ENTPD4: variants seen among roughly 807,000 people sequenced by gnomAD.
ENTPD4 encodes the protein Golgi UDPase.
Under a neutral mutation model 79.1 loss-of-function variants are expected in ENTPD4, and 60 were observed. The observed-to-expected ratio is 0.76, with a 90% CI of 0.62 to 0.94. ENTPD4 has a LOEUF of 0.94. ENTPD4 is among the 40% of genes least tolerant of loss of function. ENTPD4 has a pLI of 0.00. For missense variants in ENTPD4, 772 were observed against 775.1 expected, an observed-to-expected ratio of 1.00 and a Z score of 0.05; for synonymous variants, 276 against 292.0, an observed-to-expected ratio of 0.95 and a Z score of 0.56.
chr8:23,447,863 T>C lies in ENTPD4; in HGVS notation c.229A>G (p.Ile77Val), dbSNP rs1316277285. Residue 77 changes from isoleucine to valine, a missense_variant, in exon 4 of 13, where the codon ATT becomes GTT. Physicochemically the swap from Ile to Val is conservative, Grantham distance 29. Coordinates refer to ENST00000358689, the MANE Select transcript of ENTPD4 (RefSeq NM_004901.5). ...FQRYLARVTD[I>V]EATDTNNPNV... is the part of the protein sequence containing the mutation. ...GGGTTATTGGTGTCTGTAGCTTCAA[T>C]GTCGGTAACTCGTGCCAGGTACCTT... is the stretch of plus-strand genomic sequence containing the variant. 2 of 1,614,204 alleles carry C rather than the reference T, an allele frequency of 1.2e-6. No individual in the cohort carries two copies. The highest frequency in any genetic ancestry group is 8.5e-7 in the Non-Finnish European group (1 of 1,180,024).
chr8:23,439,992 G>A, intron 8 of ENTPD4, 77 bp from the exon 9 acceptor site: 4 of 1,310,894 alleles, frequency 3.1e-6, no homozygotes, highest in Non-Finnish European at 4.3e-6. Flanking sequence ...TCTAAAAATA[G>A]TCTCATCTAA....
chr8:23,435,578 T>C, intron 10 of ENTPD4, 101 bp from the exon 11 acceptor site: 1 of 791,788 alleles, frequency 1.3e-6, no homozygotes, highest in Non-Finnish European at 2.1e-6. Context: ...AGCATATCCT[T>C]CCCATTAGGA....
chr8:23,451,097 T>G (rs564940062), intron 1 of ENTPD4, among the ~76,000 whole-genome samples: 5 of 151,206 alleles, frequency 3.3e-5, no homozygotes, highest in African/African-American at 9.7e-5. Context: ...CAATCTCAGC[T>G]CACTGCAACC....
intron 1 of ENTPD4, among the ~76,000 whole-genome samples, chr8:23,454,706 C>A (rs1163375517): frequency 2.6e-5 from 4 of 151,806 alleles, no homozygotes; most frequent in Non-Finnish European, 2.9e-5. Flanking sequence ...AGGTTTGTCT[C>A]AGGAATTTTT....
Position 23,432,362 on chromosome 8 carries a change from C to T in ENTPD4, c.*564G>A, listed in dbSNP as rs1161098459. 25 of 985,448 alleles carry T rather than the reference C, an allele frequency of 2.5e-5. No individual in the cohort carries two copies. The highest frequency in any genetic ancestry group is 6.1e-5 in the Admixed American group (1 of 16,268). The allele number at this position is 985,448 out of a possible 1,614,324, so 61.0% of individuals were successfully genotyped here. A position where few individuals can be genotyped will look rare whatever the true frequency, so the allele number is the denominator to read the frequency against. On this transcript the variant is annotated 3_prime_UTR_variant, in exon 13 of 13. Transcript: ENST00000358689. ...TAAATTTAACATTCCTTAGAGAAACCCCAGAAATCTCATTTATTTTTGGCA... is the reference window on the plus strand; with the variant it reads ...TAAATTTAACATTCCTTAGAGAAACTCCAGAAATCTCATTTATTTTTGGCA...
In ENTPD4 at chr8:23,430,778, T is replaced by G. The variant is rs1233277812; in HGVS notation, c.*2148A>C. The G allele has an allele frequency of 4.1e-6, 4 of 985,690 alleles. No homozygotes were observed. Among genetic ancestry groups the G allele is most frequent in the Non-Finnish European group, 4.8e-6 (4 of 830,138 alleles). 61.1% of individuals were successfully genotyped at this position (985,690 alleles called of 1,614,324 possible). A position where few individuals can be genotyped will look rare whatever the true frequency, so the allele number is the denominator to read the frequency against. ...ACTTCAACCATTTGTGGCCCCTTCCTTTCCTTTCTTCCCTCTCTGCTGCTG... is the reference window on the plus strand; with the variant it reads ...ACTTCAACCATTTGTGGCCCCTTCCGTTCCTTTCTTCCCTCTCTGCTGCTG... On this transcript the variant is annotated 3_prime_UTR_variant, in exon 13 of 13. Transcript: ENST00000358689.
At chr8:23,441,319 C>T (rs1339380498) in intron 8 of ENTPD4, 1 of 552,282 alleles carries the variant, frequency 1.8e-6, no homozygotes, top group Non-Finnish European at 2.3e-6. Context: ...GAAACTCAAG[C>T]ATGCGACTGC....
chr8:23,437,091 GTTTTA>G lies in ENTPD4; in HGVS notation c.1212_1216del (p.Thr406ArgfsTer20), dbSNP rs2117280270. On this transcript the variant is annotated frameshift_variant, in exon 10 of 13. Transcript: ENST00000358689. LOFTEE classifies it high-confidence loss of function. Reference sequence around the variant, plus strand: ...ATTGAGGGAAGTCTGGGTCTCGTTTGTTTTATTCATGAAAGGCTGGATAGTCTCTC... The same window carrying G: ...ATTGAGGGAAGTCTGGGTCTCGTTTGTTCATGAAAGGCTGGATAGTCTCTC... 1 of 1,614,234 alleles carries G rather than the reference GTTTTA, an allele frequency of 6.2e-7. No individual in the cohort carries two copies. Among genetic ancestry groups the G allele is most frequent in the East Asian group, 2.2e-5 (1 of 44,880 alleles).
At chr8:23,455,319 G>A (rs1320416821) in intron 1 of ENTPD4, among the ~76,000 whole-genome samples, 1 of 152,164 alleles carries the variant, frequency 6.6e-6, no homozygotes, top group Non-Finnish European at 1.5e-5. Flanking sequence ...CACAGGGAAG[G>A]GTACTTCAGA....
chr8:23,456,867 T>G (rs1800968056), intron 1 of ENTPD4, among the ~76,000 whole-genome samples: 1 of 152,210 alleles, frequency 6.6e-6, no homozygotes, highest in South Asian at 2.1e-4. Context: ...TACCTCTAGT[T>G]TACCTTCTAG....
chr8:23,440,026 G>T, intron 8 of ENTPD4, 111 bp from the exon 9 acceptor site: 1 of 845,758 alleles, frequency 1.2e-6, no homozygotes, highest in Non-Finnish European at 1.9e-6. Flanking sequence ...GTCTGCTTCT[G>T]CACTTCCCAA....
At chr8:23,447,261 A>C (rs1466394594) in intron 4 of ENTPD4, among the ~76,000 whole-genome samples, 1 of 152,242 alleles carries the variant, frequency 6.6e-6, no homozygotes, top group Non-Finnish European at 1.5e-5. Context: ...AGATGACTAG[A>C]ACTACATGTG....
intron 12 of ENTPD4, 25 bp downstream of exon 12, chr8:23,434,292 C>T (rs1255284181): frequency 6.2e-7 from 1 of 1,606,092 alleles, no homozygotes; most frequent in Non-Finnish European, 8.5e-7. Context: ...CTTTTTGATT[C>T]TCGTTCCCAA....
At chr8:23,454,751 G>C (rs937906483) in intron 1 of ENTPD4, among the ~76,000 whole-genome samples, 5 of 152,120 alleles carry the variant, frequency 3.3e-5, no homozygotes, top group Non-Finnish European at 7.4e-5. Flanking sequence ...TGATCAAAAG[G>C]ACAAACAGAT....
rs1179259436 is a variant in ENTPD4, at chr8:23,429,283, G to A, written c.*3643C>T. 1 of 985,280 alleles carries A rather than the reference G, an allele frequency of 1.0e-6. No homozygotes were observed. Among genetic ancestry groups the A allele is most frequent in the African/African-American group, 1.7e-5 (1 of 57,242 alleles). The allele number at this position is 985,280 out of a possible 1,614,324, so 61.0% of individuals were successfully genotyped here. ...TTCCGAGAGTATTATTCTTACTTTGGATGGAAGACATCGCTTAAACAAAAA... is the reference window on the plus strand; with the variant it reads ...TTCCGAGAGTATTATTCTTACTTTGAATGGAAGACATCGCTTAAACAAAAA... On this transcript the variant is annotated 3_prime_UTR_variant, in exon 13 of 13. Transcript: ENST00000358689.
At chr8:23,434,678 T>C (rs1800524945) in intron 11 of ENTPD4, 200 bp from the exon 12 acceptor site, 1 of 1,415,790 alleles carries the variant, frequency 7.1e-7, no homozygotes, top group African/African-American at 1.4e-5. Flanking sequence ...ATGGAGCAGT[T>C]CACCTGTCAA....
chr8:23,439,180 A>C (rs1413623927), intron 9 of ENTPD4, among the ~76,000 whole-genome samples: 3 of 152,130 alleles, frequency 2.0e-5, no homozygotes, highest in Non-Finnish European at 2.9e-5. Context: ...CTATACCACA[A>C]TTCTTCATAC....
intron 10 of ENTPD4, among the ~76,000 whole-genome samples, chr8:23,436,318 A>G (rs895212190): frequency 3.3e-5 from 5 of 152,216 alleles, no homozygotes; most frequent in African/African-American, 1.2e-4. Flanking sequence ...GGAGAAGTCC[A>G]TGACTCCTAG....
intron 3 of ENTPD4, 45 bp from the exon 4 acceptor site, chr8:23,447,930 C>G (rs1050414787): frequency 6.7e-7 from 1 of 1,499,920 alleles, no homozygotes; most frequent in Admixed American, 1.7e-5. Context: ...CAAAGAATAT[C>G]ACCTGAAGTC....
Sources: allele counts gnomAD v4.1 joint callset (sites outside exome capture counted in the v4.1 genomes callset), GRCh38; gene constraint gnomAD v4.1.1; transcripts MANE v1.5; gene names NCBI Gene and HGNC (gene_info 2026-07-23, HGNC 2026-07-21).